Variants in DYNLRB1 observed in about 807,000 individuals in gnomAD.
DYNLRB1 encodes dynein light chain roadblock-type 1, also known as ROBL/LC7-like 1.
Under a neutral mutation model 13.5 loss-of-function variants are expected in DYNLRB1, and 6 were observed. The observed-to-expected ratio is 0.44, with a 90% confidence interval of 0.24 to 0.88. The LOEUF (loss-of-function observed/expected upper bound fraction) is 0.88, where lower values mean the gene tolerates loss of function less well. Among genes scored for constraint, DYNLRB1 ranks in the 40% least tolerant of loss-of-function variants. The pLI, the probability that DYNLRB1 is intolerant of heterozygous loss-of-function variation, is 0.21. For synonymous variants in DYNLRB1, 43 were observed against 45.0 expected (o/e 0.96, Z 0.18); for missense variants, 93 against 127.2 (o/e 0.73, Z 1.29).
chr20:34,518,425 G>T (rs1387877318), intron 1 of DYNLRB1, among the ~76,000 whole-genome samples: 1 of 151,816 alleles, frequency 6.6e-6, no homozygotes, highest in African/African-American at 2.4e-5. Context: ...GATGTAAAAG[G>T]ATCTAAGTGA....
chr20:34,532,661 T>C (rs1256263977), intron 2 of DYNLRB1, among the ~76,000 whole-genome samples: 1 of 152,206 alleles, frequency 6.6e-6, no homozygotes, highest in African/African-American at 2.4e-5. Context: ...GCCATGCACA[T>C]TGTGGCCATC....
At position 34,516,774 on chromosome 20, in the gene DYNLRB1, G is replaced by A. The variant is rs1402123454; in HGVS notation, c.3+313G>A. 3 of 1,550,192 alleles carry A rather than the reference G, an allele frequency of 1.9e-6. No individual in the cohort carries two copies. In the South Asian group the frequency reaches 3.6e-5, roughly 18 times the overall value. On this transcript the variant is annotated intron_variant, in intron 1 of 3. Coordinates refer to ENST00000357156, the MANE Select transcript of DYNLRB1 (RefSeq NM_014183.4). ...CTAGAGTTTTGGGGCCTTGGTGCGC[G>A]ATGGCAACCCTGGCAACGTTTCCCG...
chr20:34,539,309 A>G (rs1278942697), intron 3 of DYNLRB1, among the ~76,000 whole-genome samples: 14 of 152,200 alleles, frequency 9.2e-5, no homozygotes, highest in Admixed American at 9.2e-4. Flanking sequence ...GCTGGAATCC[A>G]GGCTGCTTTG....
intron 3 of DYNLRB1, 112 bp from the exon 4 acceptor site, chr20:34,540,469 C>G: frequency 9.9e-7 from 1 of 1,010,454 alleles, no homozygotes; most frequent in Non-Finnish European, 1.5e-6. Context: ...CTTTTTGTTG[C>G]TTTCTCCCCT....
intron 2 of DYNLRB1, among the ~76,000 whole-genome samples, chr20:34,533,953 A>T (rs1980914020): frequency 6.6e-6 from 1 of 152,232 alleles, no homozygotes; most frequent in South Asian, 2.1e-4. Flanking sequence ...CCTGGCAAAC[A>T]TGGTGAAACC....
At position 34,516,454 on chromosome 20, in the gene DYNLRB1, C is replaced by T. The variant is rs1400708694; in HGVS notation, c.-5C>T. On this transcript the variant is annotated 5_prime_UTR_variant, in exon 1 of 4. Coordinates refer to ENST00000357156, the MANE Select transcript of DYNLRB1 (RefSeq NM_014183.4). Reference sequence around the variant, plus strand: ...CGCTACGCGGGGCTACCGGATCGGTCGGAAATGGTGAGCGTGCGCCGGGGT... The same window carrying T: ...CGCTACGCGGGGCTACCGGATCGGTTGGAAATGGTGAGCGTGCGCCGGGGT... The T allele has an allele frequency of 3.1e-6, 5 of 1,613,314 alleles. No individual in the cohort carries two copies. Among genetic ancestry groups the T allele is most frequent in the Admixed American group, 1.7e-5 (1 of 59,962 alleles).
rs758228674 is a variant in DYNLRB1, at chr20:34,533,824, AT to A, written c.80-803del. On this transcript the variant is annotated intron_variant, in intron 2 of 3. Transcript: ENST00000357156. ...ACACAGCAAGACTCCATCTCAAAAAATAAAATAAAATAAATAAAAGAAGTTT... is the reference window on the plus strand; with the variant it reads ...ACACAGCAAGACTCCATCTCAAAAAAAAAATAAAATAAATAAAAGAAGTTT... Among the ~76,000 whole-genome samples the A allele has an allele frequency of 6.0e-5, 9 of 150,774 alleles. No individual in the cohort carries two copies. The East Asian group carries it at 1.6e-3, about 26-fold the overall frequency.
At chr20:34,518,101 GT>G (rs141178937) in intron 1 of DYNLRB1, among the ~76,000 whole-genome samples, 47 of 148,230 alleles carry the variant, frequency 3.2e-4, no homozygotes, top group Middle Eastern at 3.3e-3. Context: ...TTTATGGTAG[GT>G]TTTTTTTTTC....
intron 1 of DYNLRB1, among the ~76,000 whole-genome samples, chr20:34,524,738 T>G (rs137995661): frequency 6.6e-6 from 1 of 152,160 alleles, no homozygotes; most frequent in East Asian, 1.9e-4. Flanking sequence ...TTTTGTTTTT[T>G]TTTTTTGGAA....
intron 3 of DYNLRB1, 140 bp from the exon 4 acceptor site, chr20:34,540,441 A>G: frequency 1.3e-6 from 1 of 775,216 alleles, no homozygotes. Flanking sequence ...CAGCATTTGG[A>G]GATGCTGAAC....
chr20:34,539,112 G>GATAAAAATAGGCACA (rs1448167956), intron 3 of DYNLRB1, among the ~76,000 whole-genome samples: 1 of 152,204 alleles, frequency 6.6e-6, no homozygotes, highest in African/African-American at 2.4e-5. Flanking sequence ...ACAAGCCACT[G>GATAAAAATAGGCACA]ATAAAAATAG....
intron 2 of DYNLRB1, chr20:34,530,352 G>C: frequency 1.1e-6 from 1 of 924,868 alleles, no homozygotes; most frequent in East Asian, 1.1e-4. Context: ...TCAGCTATGT[G>C]GTTTTGGGCA....
At chr20:34,525,186 C>T (rs1039654726) in intron 1 of DYNLRB1, among the ~76,000 whole-genome samples, 2 of 152,052 alleles carry the variant, frequency 1.3e-5, no homozygotes, top group Admixed American at 1.3e-4. Flanking sequence ...AGGATCCCCC[C>T]CCCCATTTCT....
rs1218999670 is a variant in DYNLRB1 at position 34,540,621 on chromosome 20, A to G, written c.288A>G (p.Glu96=). 6 of 1,613,934 alleles carry G rather than the reference A, an allele frequency of 3.7e-6. No individual in the cohort carries two copies. Among genetic ancestry groups the G allele is most frequent in the Non-Finnish European group, 5.1e-6 (6 of 1,179,926 alleles). ...TGATTGTGATTCAGAATCCAACCGA[A>G]TAAGCCACTCTCTTGGCTCCCTGTG... ...YFLIVIQNPT[E] The change falls in exon 4 of 4, where the codon GAA becomes GAG. Residue 96 remains glutamate (E), a synonymous_variant. Coordinates refer to ENST00000357156, the MANE Select transcript of DYNLRB1 (RefSeq NM_014183.4).
At chr20:34,517,627 C>CTTTTTT (rs60155819) in intron 1 of DYNLRB1, among the ~76,000 whole-genome samples, 16 of 120,394 alleles carry the variant, frequency 1.3e-4, no homozygotes, top group Non-Finnish European at 1.9e-4. Context: ...TTCATTATTT[C>CTTTTTT]TTTTTTTTTT....
At chr20:34,518,420 A>G (rs1381877853) in intron 1 of DYNLRB1, among the ~76,000 whole-genome samples, 6 of 152,152 alleles carry the variant, frequency 3.9e-5, no homozygotes. Flanking sequence ...TAAATGATGT[A>G]AAAGGATCTA....
chr20:34,529,929 C>A, intron 2 of DYNLRB1: 1 of 1,464,308 alleles, frequency 6.8e-7, no homozygotes, highest in Non-Finnish European at 9.0e-7. Flanking sequence ...AGTTGGGTGG[C>A]CTGAGGCAAC....
chr20:34,535,079 A>C, intron 3 of DYNLRB1: 1 of 985,386 alleles, frequency 1.0e-6, no homozygotes, highest in African/African-American at 1.7e-5. Flanking sequence ...ACTCAAAGGC[A>C]TTTGGGACAT....
intron 3 of DYNLRB1, among the ~76,000 whole-genome samples, chr20:34,539,510 T>C (rs1031981689): frequency 2.0e-5 from 3 of 151,786 alleles, no homozygotes; most frequent in African/African-American, 7.3e-5. Flanking sequence ...TGAGACCCCA[T>C]CTGTACAAAA....
Sources: allele counts gnomAD v4.1 joint callset (sites outside exome capture counted in the v4.1 genomes callset), GRCh38; gene constraint gnomAD v4.1.1; transcripts MANE v1.5; gene names NCBI Gene and HGNC (gene_info 2026-07-23, HGNC 2026-07-21).